TIMM21: variants seen among roughly 807,000 people sequenced by gnomAD.
The protein encoded by TIMM21 is mitochondrial import inner membrane translocase subunit Tim21.
TIMM21 carries 30 observed loss-of-function variants against 27.7 expected under a neutral mutation model. That is an observed-to-expected ratio of 1.08 (90% CI 0.81 to 1.47). The LOEUF (loss-of-function observed/expected upper bound fraction) is 1.47. Ranked by LOEUF, TIMM21 falls within the 40% of genes most tolerant of loss-of-function variation. TIMM21 has a pLI of 0.00. For missense variants in TIMM21, 292 were observed against 302.9 expected, an observed-to-expected ratio of 0.96 and a Z score of 0.27; for synonymous variants, 121 against 114.4, an observed-to-expected ratio of 1.06 and a Z score of -0.37.
intron 1 of TIMM21, among the ~76,000 whole-genome samples, chr18:74,154,728 C>T (rs1979903872): frequency 6.6e-6 from 1 of 152,206 alleles, no homozygotes. Context: ...ACTCTGAACA[C>T]AGTTCTGTTT....
At chr18:74,154,335 C>T (rs576005340) in intron 1 of TIMM21, among the ~76,000 whole-genome samples, 2 of 151,394 alleles carry the variant, frequency 1.3e-5, no homozygotes, top group Admixed American at 1.3e-4. Context: ...TATCTTGGCT[C>T]ACTGCAAGCT....
At chr18:74,154,452 G>A (rs541723300) in intron 1 of TIMM21, among the ~76,000 whole-genome samples, 26 of 152,050 alleles carry the variant, frequency 1.7e-4, no homozygotes, top group African/African-American at 5.8e-4. Context: ...TTGTAGAGAC[G>A]GCGTTTCACC....
intron 1 of TIMM21, among the ~76,000 whole-genome samples, chr18:74,150,760 G>A (rs1217005301): frequency 1.3e-5 from 2 of 152,176 alleles, no homozygotes; most frequent in African/African-American, 4.8e-5. Flanking sequence ...ACCTATTTGT[G>A]TTTTGTAAAG....
chr18:74,160,422 A>G lies in TIMM21; in HGVS notation c.*1942A>G, dbSNP rs930890146. 2.0e-5 allele frequency: 3 copies of G among 152,204 alleles called. No homozygotes were observed. Among genetic ancestry groups the G allele is most frequent in the African/African-American group, 7.2e-5 (3 of 41,454 alleles). The allele number at this position is 152,204 out of a possible 1,614,324, so 9.4% of individuals were successfully genotyped here. ...CTGTACCAATAAGAGATTCTTCTGT[A>G]TAGCCACAGGAAAATGTGATGTGTA... On this transcript the variant is annotated 3_prime_UTR_variant, in exon 6 of 6. Coordinates refer to ENST00000169551, the MANE Select transcript of TIMM21 (RefSeq NM_014177.3).
At position 74,148,890 on chromosome 18, in the gene TIMM21, A is replaced by T; in HGVS notation, c.82A>T (p.Ile28Phe). 1 of 1,614,240 alleles carries T rather than the reference A, an allele frequency of 6.2e-7. No individual in the cohort carries two copies. The highest frequency in any genetic ancestry group is 8.5e-7 in the Non-Finnish European group (1 of 1,180,044). ...SSAKRLLLPY[I>F]VLNKACLKTE... ...GGCAAAGCGATTGCTTTTGCCATAC[A>T]TCGTGCTTAACAAAGCGTGCTTGAA... is the stretch of plus-strand genomic sequence containing the variant. The change falls in exon 1 of 6, where the codon ATC becomes TTC. Residue 28 changes from isoleucine to phenylalanine, a missense_variant. Transcript: ENST00000169551.
intron 3 of TIMM21, chr18:74,156,935 TTAAAG>T (rs1258913486): frequency 1.3e-5 from 2 of 152,218 alleles, no homozygotes; most frequent in African/African-American, 2.4e-5. Flanking sequence ...GTTTAATAGA[TTAAAG>T]TAAATTGTTC....
chr18:74,158,144 T>A (rs774615321), intron 4 of TIMM21, 27 bp from the exon 5 acceptor site: 1 of 1,613,930 alleles, frequency 6.2e-7, no homozygotes, highest in Non-Finnish European at 8.5e-7. Context: ...GAAAGGAACT[T>A]AGACTGATCT....
intron 3 of TIMM21, chr18:74,156,275 T>G: frequency 2.5e-6 from 1 of 398,618 alleles, no homozygotes; most frequent in Non-Finnish European, 4.4e-6. Flanking sequence ...ATGTCATAGC[T>G]CGCATTTGCA....
intron 1 of TIMM21, among the ~76,000 whole-genome samples, chr18:74,150,828 C>G (rs1378479372): frequency 6.6e-6 from 1 of 152,162 alleles, no homozygotes; most frequent in East Asian, 1.9e-4. Context: ...TATCTAAGGT[C>G]TCTAAGAATA....
At position 74,148,969 on chromosome 18, in the gene TIMM21, C is replaced by G; in HGVS notation, c.161C>G (p.Pro54Arg). Residue 54 changes from proline to arginine, a missense_variant, in exon 1 of 6, where the codon CCT (proline) becomes CGT (arginine). Pro to Arg is a moderately radical substitution (Grantham distance 103). Coordinates refer to ENST00000169551, the MANE Select transcript of TIMM21 (RefSeq NM_014177.3). Reference sequence around the variant, plus strand: ...CAATATCAAAAGAAAACGCTGCGACCTAGATGTATTCTTGGAGTCACCCAG... The same window carrying G: ...CAATATCAAAAGAAAACGCTGCGACGTAGATGTATTCTTGGAGTCACCCAG... ...GLQYQKKTLRPRCILGVTQKT... is the reference protein window; with the variant it reads ...GLQYQKKTLRRRCILGVTQKT... 1.2e-6 allele frequency: 2 copies of G among 1,614,198 alleles called. No individual in the cohort carries two copies. The highest frequency in any genetic ancestry group is 1.7e-6 in the Non-Finnish European group (2 of 1,180,050).
In TIMM21 at chr18:74,151,944, C is replaced by CCCA. The variant is rs1555682314; in HGVS notation, c.301+2837_301+2838insACC. ...AAGCAGTGGTGTCTATGTTCCCCCCCCCCCCGGGGGGACCTCCAGCTCCTT... is the reference window on the plus strand; with the variant it reads ...AAGCAGTGGTGTCTATGTTCCCCCCCCCACCCCCGGGGGGACCTCCAGCTCCTT... On this transcript the variant is annotated intron_variant, in intron 1 of 5. Transcript: ENST00000169551. Among the ~76,000 whole-genome samples the CCCA allele has an allele frequency of 3.5e-5, 5 of 144,688 alleles. No homozygotes were observed. The East Asian group carries it at 1.0e-3, about 29-fold the overall frequency. 94.9% of individuals were successfully genotyped at this position (144,688 alleles called of 152,430 possible). A position where few individuals can be genotyped will look rare whatever the true frequency, so the allele number is the denominator to read the frequency against.
chr18:74,150,799 A>G lies in TIMM21; in HGVS notation c.301+1690A>G, dbSNP rs563328465. Among the ~76,000 whole-genome samples the G allele has an allele frequency of 2.0e-5, 3 of 152,288 alleles. No homozygotes were observed. In the South Asian group the frequency reaches 6.2e-4, roughly 32 times the overall value. ...GACTGGTAAATTACAAGGGACCGTG[A>G]TGGGGATCGCCATGCCTGTATCTAA... On this transcript the variant is annotated intron_variant, in intron 1 of 5. Coordinates refer to ENST00000169551, the MANE Select transcript of TIMM21 (RefSeq NM_014177.3).
chr18:74,158,152 T>G lies in TIMM21; in HGVS notation c.537-19T>G. The G allele has an allele frequency of 6.2e-7, 1 of 1,613,928 alleles. No individual in the cohort carries two copies. The highest frequency in any genetic ancestry group is 8.5e-7 in the Non-Finnish European group (1 of 1,179,860). On this transcript the variant is annotated intron_variant, in intron 4 of 5. Transcript: ENST00000169551. Reference sequence around the variant, plus strand: ...TTTAAATGAAAGGAACTTAGACTGATCTTTCGTTTTCTCGACAGGTTCACT... The same window carrying G: ...TTTAAATGAAAGGAACTTAGACTGAGCTTTCGTTTTCTCGACAGGTTCACT...
At chr18:74,154,483 G>A (rs185783460) in intron 1 of TIMM21, among the ~76,000 whole-genome samples, 5 of 151,868 alleles carry the variant, frequency 3.3e-5, no homozygotes, top group South Asian at 2.1e-4. Context: ...GGATGGTCTC[G>A]ATCTCCTGAC....
Position 74,149,103 on chromosome 18 carries a change from C to T in TIMM21, c.295C>T (p.Gln99Ter). 1.9e-6 allele frequency: 3 copies of T among 1,606,262 alleles called. No individual in the cohort carries two copies. Among genetic ancestry groups the T allele is most frequent in the Non-Finnish European group, 1.7e-6 (2 of 1,175,958 alleles). The change falls in exon 1 of 6, where the codon CAA (glutamine) becomes TAA (stop). Residue 99 changes from glutamine to a stop codon, truncating the protein, a stop_gained. Transcript: ENST00000169551. LOFTEE classifies it high-confidence loss of function. The stretch of plus-strand genomic sequence containing the variant: ...AGGGGGAACCGCCGTCCCAACATCA[C>T]AAAAAGGTAAAAAGGAGTACTTTAA... ...QRGGTAVPTSQKVKEAGRDFT... is the reference protein window; with the variant it reads ...QRGGTAVPTS
intron 1 of TIMM21, among the ~76,000 whole-genome samples, chr18:74,149,973 A>G (rs773962228): frequency 1.1e-4 from 17 of 152,200 alleles, no homozygotes. Context: ...AACATTCCCA[A>G]ATATGGAATA....
chr18:74,155,065 C>A, intron 1 of TIMM21, 80 bp from the exon 2 acceptor site: 1 of 1,422,294 alleles, frequency 7.0e-7, no homozygotes, highest in Non-Finnish European at 9.9e-7. Context: ...GCTTTTCTCT[C>A]GCAAGAAGTG....
chr18:74,152,412 G>A lies in TIMM21; in HGVS notation c.302-2733G>A, dbSNP rs1046581920. Reference sequence around the variant, plus strand: ...CCTGCCCTTGGCACTCACCTTCACTGGTGATTAGTTACACACTTCATCTCA... The same window carrying A: ...CCTGCCCTTGGCACTCACCTTCACTAGTGATTAGTTACACACTTCATCTCA... On this transcript the variant is annotated intron_variant, in intron 1 of 5. Coordinates refer to ENST00000169551, the MANE Select transcript of TIMM21 (RefSeq NM_014177.3). This position sits in a 1 kb window ranked among gnomAD's most constrained non-coding sequence, Gnocchi z 4.1. Among the ~76,000 whole-genome samples, 9 of 152,138 alleles carry A rather than the reference G, an allele frequency of 5.9e-5. No individual in the cohort carries two copies. Among genetic ancestry groups the A allele is most frequent in the Non-Finnish European group, 1.2e-4 (8 of 68,024 alleles).
At position 74,157,781 on chromosome 18, in the gene TIMM21, G is replaced by C. The variant is rs1599211211; in HGVS notation, c.463-233G>C. On this transcript the variant is annotated intron_variant, in intron 3 of 5. Coordinates refer to ENST00000169551, the MANE Select transcript of TIMM21 (RefSeq NM_014177.3). The stretch of plus-strand genomic sequence containing the variant: ...CAGCTGATTTTTATATTTTTTAGTA[G>C]AGACGGGGTTTCACCTAGTTGGCCA... The C allele has an allele frequency of 5.9e-6, 3 of 509,488 alleles. No homozygotes were observed. In the East Asian group the frequency reaches 1.0e-4, roughly 17 times the overall value. The allele number at this position is 509,488 out of a possible 1,614,324, so 31.6% of individuals were successfully genotyped here. A position where few individuals can be genotyped will look rare whatever the true frequency, so the allele number is the denominator to read the frequency against.
Sources: allele counts gnomAD v4.1 joint callset (sites outside exome capture counted in the v4.1 genomes callset), GRCh38; gene constraint gnomAD v4.1.1; non-coding constraint Gnocchi (gnomAD v3.1); transcripts MANE v1.5; gene names NCBI Gene and HGNC (gene_info 2026-07-23, HGNC 2026-07-21).